INPP4B: variants seen among roughly 807,000 people sequenced by gnomAD.
INPP4B encodes inositol polyphosphate-4-phosphatase type II B, also known as inositol polyphosphate 4-phosphatase type II.
INPP4B carries 55 observed loss-of-function variants against 122.5 expected under a neutral mutation model. That is an observed-to-expected ratio of 0.45 (90% CI 0.36 to 0.56). INPP4B has a LOEUF of 0.56. INPP4B is among the 20% of genes least tolerant of loss of function. The probability of loss-of-function intolerance (pLI) is 0.00; values close to 1 mark genes in which losing one functional copy is unlikely to be tolerated. For missense variants in INPP4B, 1,000 were observed against 1,097.7 expected (o/e 0.91, Z 1.26); for synonymous variants, 403 against 388.7 (o/e 1.04, Z -0.43).
chr4:142,333,098 A>G (rs934531395), intron 7 of INPP4B, among the ~76,000 whole-genome samples: 6 of 152,010 alleles, frequency 3.9e-5, no homozygotes, highest in African/African-American at 1.4e-4. Flanking sequence ...GACAGATTAC[A>G]TGGAAGAGCC....
intron 2 of INPP4B, among the ~76,000 whole-genome samples, chr4:142,463,478 C>T (rs183605144): frequency 7.9e-5 from 12 of 152,274 alleles, no homozygotes; most frequent in Admixed American, 6.5e-4. Flanking sequence ...GAGTTTGTTC[C>T]TAAACTTTGC....
intron 1 of INPP4B, among the ~76,000 whole-genome samples, chr4:142,806,228 G>A (rs1778682129): frequency 7.4e-6 from 1 of 135,062 alleles, no homozygotes; most frequent in African/African-American, 2.9e-5. Flanking sequence ...GCAGTGAGCC[G>A]AGATGGCACC....
intron 2 of INPP4B, among the ~76,000 whole-genome samples, chr4:142,600,092 C>T (rs997859457): frequency 6.6e-6 from 1 of 152,086 alleles, no homozygotes; most frequent in African/African-American, 2.4e-5. Flanking sequence ...GTTCAAAAAA[C>T]TATTCAACAA....
intron 1 of INPP4B, among the ~76,000 whole-genome samples, chr4:142,787,508 A>G (rs1775923961): frequency 6.6e-6 from 1 of 152,106 alleles, no homozygotes; most frequent in African/African-American, 2.4e-5. Flanking sequence ...TTTGTAAGTT[A>G]CCCAGTCTCT....
intron 21 of INPP4B, among the ~76,000 whole-genome samples, chr4:142,116,971 A>G (rs544899701): frequency 5.9e-5 from 9 of 152,294 alleles, no homozygotes; most frequent in African/African-American, 1.9e-4. Flanking sequence ...AAAAAATGAT[A>G]AAGGGGATAT....
chr4:142,715,674 G>T (rs1763671623), intron 2 of INPP4B, among the ~76,000 whole-genome samples: 1 of 152,196 alleles, frequency 6.6e-6, no homozygotes, highest in East Asian at 1.9e-4. Flanking sequence ...GAGAGCCCTG[G>T]GAAGGAGCTC....
chr4:142,110,307 GA>G (rs767286715), intron 22 of INPP4B, among the ~76,000 whole-genome samples: 1 of 152,136 alleles, frequency 6.6e-6, no homozygotes, highest in Non-Finnish European at 1.5e-5. Flanking sequence ...CAAATTGGCT[GA>G]AACCTTGACC....
Position 142,808,491 on chromosome 4 carries a change from T to C in INPP4B, c.-254+37718A>G, listed in dbSNP as rs556093219. On this transcript the variant is annotated intron_variant, in intron 1 of 25. Transcript: ENST00000262992. ...TAGAGACTGAATCTAATCTCAGCTG[T>C]ACTTCCCACTGTACCCATCTTTTTC... 2.0e-5 allele frequency among the ~76,000 whole-genome samples: 3 copies of C among 152,296 alleles called. No individual in the cohort carries two copies. The South Asian group carries it at 6.2e-4, about 32-fold the overall frequency.
intron 23 of INPP4B, among the ~76,000 whole-genome samples, chr4:142,103,589 C>T (rs1785524513): frequency 6.6e-6 from 1 of 151,954 alleles, no homozygotes; most frequent in Non-Finnish European, 1.5e-5. Flanking sequence ...ATCAACACTC[C>T]AAAAGAGCAA....
chr4:142,523,563 C>A (rs1826386690), intron 2 of INPP4B, among the ~76,000 whole-genome samples: 1 of 152,124 alleles, frequency 6.6e-6, no homozygotes, highest in South Asian at 2.1e-4. Flanking sequence ...AGGGTTGTAA[C>A]CCTTAATCAG....
intron 15 of INPP4B, among the ~76,000 whole-genome samples, chr4:142,175,218 T>TAC (rs1430034796): frequency 6.6e-6 from 1 of 152,142 alleles, no homozygotes; most frequent in Non-Finnish European, 1.5e-5. Context: ...TCAGCTCAAT[T>TAC]ATTTAAATTC....
chr4:142,181,125 T>G (rs566583861), intron 15 of INPP4B, among the ~76,000 whole-genome samples: 1 of 152,282 alleles, frequency 6.6e-6, no homozygotes, highest in South Asian at 2.1e-4. Context: ...CCATAAGAGC[T>G]TGCAAACCTA....
intron 5 of INPP4B, chr4:142,426,556 G>C (rs1434170161): frequency 6.6e-6 from 1 of 151,946 alleles, no homozygotes; most frequent in African/African-American, 2.4e-5. Context: ...GAGATACTCA[G>C]TTTTTCAGTA....
chr4:142,673,512 C>T (rs568553129), intron 2 of INPP4B, among the ~76,000 whole-genome samples: 2 of 152,130 alleles, frequency 1.3e-5, no homozygotes, highest in South Asian at 4.1e-4. Flanking sequence ...ACCTGATGAT[C>T]CCTTGGGTAT....
intron 5 of INPP4B, among the ~76,000 whole-genome samples, chr4:142,418,196 C>T (rs1179949843): frequency 4.6e-5 from 7 of 151,992 alleles, no homozygotes; most frequent in African/African-American, 1.7e-4. Context: ...TATTCATTTG[C>T]AAACAATGAA....
rs1282662677 is a variant in INPP4B, at chr4:142,803,661, AC to A, written c.-254+42547del. Among the ~76,000 whole-genome samples, 1,187 of 136,348 alleles carry A rather than the reference AC, an allele frequency of 8.7e-3. 18 individuals carry two copies. Among genetic ancestry groups the A allele is most frequent in the African/African-American group, 0.034 (1,122 of 33,126 alleles). 89.4% of individuals were successfully genotyped at this position (136,348 alleles called of 152,430 possible). A position where few individuals can be genotyped will look rare whatever the true frequency, so the allele number is the denominator to read the frequency against. ...ATTCAATAAAACTTAAAAAAAAAAA[AC>A]AAAAACAAAGAAAAGAAACCTCTCA... On this transcript the variant is annotated intron_variant, in intron 1 of 25. Transcript: ENST00000262992.
At chr4:142,805,423 A>G (rs1256461532) in intron 1 of INPP4B, among the ~76,000 whole-genome samples, 1 of 152,238 alleles carries the variant, frequency 6.6e-6, no homozygotes, top group Non-Finnish European at 1.5e-5. Context: ...CTAGAGTAAG[A>G]AAGTCCAATG....
chr4:142,290,099 C>T (rs913320496), intron 9 of INPP4B, among the ~76,000 whole-genome samples: 1 of 151,768 alleles, frequency 6.6e-6, no homozygotes, highest in African/African-American at 2.4e-5. Flanking sequence ...GCTATGGCTC[C>T]AAGCTTTACT....
At chr4:142,742,701 T>G (rs1189352455) in intron 1 of INPP4B, among the ~76,000 whole-genome samples, 2 of 151,934 alleles carry the variant, frequency 1.3e-5, no homozygotes, top group Non-Finnish European at 2.9e-5. Context: ...AGAAAGATTT[T>G]GGGGCAGAAA....
Sources: allele counts gnomAD v4.1 joint callset (sites outside exome capture counted in the v4.1 genomes callset), GRCh38; gene constraint gnomAD v4.1.1; transcripts MANE v1.5; gene names NCBI Gene and HGNC (gene_info 2026-07-23, HGNC 2026-07-21).